Variants in CFAP20DC observed in about 807,000 individuals in gnomAD.
CFAP20DC encodes protein CFAP20DC.
CFAP20DC carries 84 observed loss-of-function variants against 101.7 expected under a neutral mutation model. That is an observed-to-expected ratio of 0.83 (90% CI 0.69 to 0.99). The LOEUF (loss-of-function observed/expected upper bound fraction) is 0.99. Ranked by LOEUF, CFAP20DC falls within the 50% of genes least tolerant of loss-of-function variation. CFAP20DC has a pLI of 0.00. For synonymous variants in CFAP20DC, 359 were observed against 351.2 expected (o/e 1.02, Z -0.25); for missense variants, 1,007 against 970.3 (o/e 1.04, Z -0.50).
chr3:58,887,264 T>G (rs980555728), intron 6 of CFAP20DC: 2 of 152,202 alleles, frequency 1.3e-5, no homozygotes, highest in African/African-American at 2.4e-5. Flanking sequence ...CTCAAAATAG[T>G]AAATATTTAC....
At chr3:58,817,260 C>T (rs947991844) in intron 14 of CFAP20DC, among the ~76,000 whole-genome samples, 15 of 152,172 alleles carry the variant, frequency 9.9e-5, no homozygotes, top group Non-Finnish European at 1.5e-4. Flanking sequence ...AACGCAGTTC[C>T]TCAAGAGCAA....
intron 4 of CFAP20DC, among the ~76,000 whole-genome samples, chr3:58,975,605 C>T (rs2092233916): frequency 6.6e-6 from 1 of 152,162 alleles, no homozygotes; most frequent in South Asian, 2.1e-4. Context: ...TTGATAAATG[C>T]TCCATTCCTT....
chr3:58,761,604 C>T (rs1024135908), intron 15 of CFAP20DC, among the ~76,000 whole-genome samples: 12 of 152,012 alleles, frequency 7.9e-5, no homozygotes, highest in Non-Finnish European at 1.3e-4. Context: ...GCTCTTGCTT[C>T]TCTAGTTCTT....
At chr3:58,888,499 ACC>A (rs2081859176) in intron 6 of CFAP20DC, among the ~76,000 whole-genome samples, 1 of 152,164 alleles carries the variant, frequency 6.6e-6, no homozygotes, top group Non-Finnish European at 1.5e-5. Flanking sequence ...CGCTGCACAG[ACC>A]ATCCCATCAC....
At chr3:58,813,465 G>C (rs1163563266) in intron 14 of CFAP20DC, among the ~76,000 whole-genome samples, 13 of 151,886 alleles carry the variant, frequency 8.6e-5, no homozygotes, top group African/African-American at 2.4e-4. Flanking sequence ...CATTCAAAGA[G>C]CTTTAGCTAC....
intron 12 of CFAP20DC, among the ~76,000 whole-genome samples, chr3:58,856,983 G>C (rs894845627): frequency 6.6e-6 from 1 of 152,032 alleles, no homozygotes; most frequent in South Asian, 2.1e-4. Context: ...TGTATATGAC[G>C]TAGGTAGAAA....
chr3:58,979,317 A>G (rs577803032), intron 4 of CFAP20DC, among the ~76,000 whole-genome samples: 2 of 152,330 alleles, frequency 1.3e-5, no homozygotes, highest in South Asian at 4.1e-4. Flanking sequence ...CTAGGAATAA[A>G]AGTAGTCTCT....
intron 15 of CFAP20DC, among the ~76,000 whole-genome samples, chr3:58,774,066 T>C (rs980274778): frequency 6.6e-6 from 1 of 152,146 alleles, no homozygotes; most frequent in African/African-American, 2.4e-5. Flanking sequence ...CTCACTTATC[T>C]TTTACCTTTC....
chr3:58,862,472 C>T, intron 12 of CFAP20DC: 1 of 985,386 alleles, frequency 1.0e-6, no homozygotes, highest in Non-Finnish European at 1.2e-6. Context: ...TTTGGTATGA[C>T]TAATTGTTTC....
chr3:58,957,077 C>A (rs1043392188), intron 4 of CFAP20DC, among the ~76,000 whole-genome samples: 7 of 152,054 alleles, frequency 4.6e-5, no homozygotes, highest in African/African-American at 1.7e-4. Context: ...GTCCACAGAA[C>A]AGGAGAAAAT....
chr3:59,046,220 ATTAC>A lies in CFAP20DC; in HGVS notation c.205+5_205+8del. 6.6e-7 allele frequency: 1 copy of A among 1,516,266 alleles called. No homozygotes were observed. The highest frequency in any genetic ancestry group is 8.8e-7 in the Non-Finnish European group (1 of 1,131,548). 93.9% of individuals were successfully genotyped at this position (1,516,266 alleles called of 1,614,324 possible). Reference sequence around the variant, plus strand: ...AATGTTAAGTTTCAATATTAAAAATATTACTTACGGCTTTGCTTATTCTCCTTTG... The same window carrying A: ...AATGTTAAGTTTCAATATTAAAAATATTACGGCTTTGCTTATTCTCCTTTG... On this transcript the variant is annotated splice_donor_5th_base_variant and intron_variant, in intron 3 of 16. Coordinates refer to ENST00000482387, the MANE Select transcript of CFAP20DC (RefSeq NM_001394063.1).
At chr3:59,042,590 G>C (rs897322093) in intron 3 of CFAP20DC, among the ~76,000 whole-genome samples, 1 of 151,854 alleles carries the variant, frequency 6.6e-6, no homozygotes, top group Non-Finnish European at 1.5e-5. Context: ...AACTAAGAAG[G>C]GCACCAGATA....
intron 13 of CFAP20DC, among the ~76,000 whole-genome samples, chr3:58,832,099 T>A (rs1239691101): frequency 6.7e-6 from 1 of 148,270 alleles, no homozygotes; most frequent in Non-Finnish European, 1.5e-5. Context: ...TTCATTAAGG[T>A]CCTCAAAAGC....
chr3:58,950,447 T>C (rs2089967997), intron 4 of CFAP20DC, among the ~76,000 whole-genome samples: 1 of 152,072 alleles, frequency 6.6e-6, no homozygotes, highest in African/African-American at 2.4e-5. Flanking sequence ...GAGCCTGCAT[T>C]GCCAAGTCAA....
At chr3:58,986,606 G>C (rs2092760919) in intron 4 of CFAP20DC, among the ~76,000 whole-genome samples, 2 of 152,150 alleles carry the variant, frequency 1.3e-5, no homozygotes, top group Non-Finnish European at 1.5e-5. Flanking sequence ...AGTCGACTGT[G>C]AGAAATTAAG....
rs35439333 is a variant in CFAP20DC, at chr3:58,784,047, AT to A, written c.2237+22347del. 2.9e-3 allele frequency among the ~76,000 whole-genome samples: 413 copies of A among 141,624 alleles called. 1 individual carries two copies. The highest frequency in any genetic ancestry group is 7.3e-3 in the African/African-American group (288 of 39,260). The allele number at this position is 141,624 out of a possible 152,430, so 92.9% of individuals were successfully genotyped here. On this transcript the variant is annotated intron_variant, in intron 15 of 16. Transcript: ENST00000482387. ...GGTACCTATTGTTTCTATTGTTGCC[AT>A]TTTTTTTTTTTAAGACAGCGCCTTA...
intron 4 of CFAP20DC, among the ~76,000 whole-genome samples, chr3:58,957,523 A>G (rs1056901096): frequency 2.0e-5 from 3 of 152,214 alleles, no homozygotes; most frequent in Non-Finnish European, 2.9e-5. Context: ...AAGAAGGGAA[A>G]TCAGTATATC....
intron 4 of CFAP20DC, among the ~76,000 whole-genome samples, chr3:58,948,111 G>T (rs1437352316): frequency 6.6e-6 from 1 of 152,234 alleles, no homozygotes; most frequent in Non-Finnish European, 1.5e-5. Flanking sequence ...GCACCAAACT[G>T]TCAAGTGCAG....
intron 3 of CFAP20DC, among the ~76,000 whole-genome samples, chr3:59,041,115 G>C (rs1699343283): frequency 6.6e-6 from 1 of 152,038 alleles, no homozygotes; most frequent in Admixed American, 6.6e-5. Context: ...TGGCCCCACA[G>C]TATTTTTCCA....
Sources: gnomAD v4.1 joint callset for allele counts (sites outside exome capture counted in the v4.1 genomes callset) on GRCh38, gnomAD v4.1.1 for gene constraint, MANE v1.5 for transcripts, NCBI Gene and HGNC (gene_info 2026-07-23, HGNC 2026-07-21) for gene names.